Variants in NEK10 observed in about 807,000 individuals in gnomAD.
The protein encoded by NEK10 is NIMA related kinase 10.
In NEK10, 122 loss-of-function variants were observed where a neutral mutation model predicts 159.8. That is an observed-to-expected ratio of 0.76 (90% confidence interval 0.66 to 0.89). The LOEUF is 0.89. Among genes scored for constraint, NEK10 ranks in the 40% least tolerant of loss-of-function variants. The pLI, the probability that NEK10 is intolerant of heterozygous loss-of-function variation, is 0.00. For missense variants in NEK10, 1,342 were observed against 1,323.1 expected, an observed-to-expected ratio of 1.01 and a Z score of -0.22; for synonymous variants, 466 against 457.1, an observed-to-expected ratio of 1.02 and a Z score of -0.25.
intron 22 of NEK10, among the ~76,000 whole-genome samples, chr3:27,282,352 A>G (rs1450142123): frequency 2.0e-5 from 3 of 151,912 alleles, no homozygotes; most frequent in Non-Finnish European, 4.4e-5. Context: ...TTAGAAAAAA[A>G]TAAACCAGGC....
intron 22 of NEK10, among the ~76,000 whole-genome samples, chr3:27,262,734 T>C (rs1304135010): frequency 6.6e-6 from 1 of 152,210 alleles, no homozygotes; most frequent in Non-Finnish European, 1.5e-5. Flanking sequence ...GCCATTCATC[T>C]AATTTTTTTT....
rs182773767 is a variant in NEK10 at position 27,173,488 on chromosome 3, G to A, written c.2776+951C>T. On this transcript the variant is annotated intron_variant, in intron 28 of 35. Coordinates refer to ENST00000691995, the MANE Select transcript of NEK10 (RefSeq NM_001394966.1). The stretch of plus-strand genomic sequence containing the variant: ...ATACACCTAGAAGGCAGGGATCTAC[G>A]GAGAAAATAGGACAGAATATTGAAA... Among the ~76,000 whole-genome samples the A allele has an allele frequency of 1.5e-3, 229 of 152,198 alleles. 1 individual carries two copies. Among genetic ancestry groups the A allele is most frequent in the African/African-American group, 5.0e-3 (208 of 41,536 alleles).
At chr3:27,334,988 GA>G (rs1479765080) in intron 5 of NEK10, among the ~76,000 whole-genome samples, 1 of 152,074 alleles carries the variant, frequency 6.6e-6, no homozygotes, top group Non-Finnish European at 1.5e-5. Context: ...AAATAAATCA[GA>G]AAAACAATTC....
At chr3:27,244,438 T>C (rs1277157990) in intron 23 of NEK10, among the ~76,000 whole-genome samples, 2 of 152,188 alleles carry the variant, frequency 1.3e-5, no homozygotes, top group Non-Finnish European at 2.9e-5. Context: ...TATTATTCAA[T>C]AAACAATGGA....
intron 6 of NEK10, among the ~76,000 whole-genome samples, chr3:27,320,186 G>A (rs1249320083): frequency 6.6e-6 from 1 of 152,132 alleles, no homozygotes; most frequent in Non-Finnish European, 1.5e-5. Flanking sequence ...ATGTGTCTTG[G>A]TCACAAAATC....
chr3:27,179,186 A>C (rs1489323437), intron 26 of NEK10, among the ~76,000 whole-genome samples: 1 of 152,166 alleles, frequency 6.6e-6, no homozygotes, highest in Admixed American at 6.5e-5. Flanking sequence ...AAACCAGAAA[A>C]ACTGGTGTTT....
intron 25 of NEK10, among the ~76,000 whole-genome samples, chr3:27,195,919 G>C (rs766635852): frequency 2.6e-5 from 4 of 152,034 alleles, no homozygotes; most frequent in Non-Finnish European, 4.4e-5. Flanking sequence ...CCACTTGCTG[G>C]GTACTGCGTT....
At position 27,236,182 on chromosome 3, in the gene NEK10, G is replaced by T. The variant is rs569937994; in HGVS notation, c.2090+20114C>A. On this transcript the variant is annotated intron_variant, in intron 23 of 35. Transcript: ENST00000691995. ...GAGGATGGAAGGAGAGAGAGGATCA[G>T]GAAAAATAACTAATGGATGCTAAGT... is the stretch of plus-strand genomic sequence containing the variant. Among the ~76,000 whole-genome samples the T allele has an allele frequency of 2.0e-5, 3 of 152,072 alleles. No homozygotes were observed. The East Asian group carries it at 5.8e-4, about 29-fold the overall frequency.
chr3:27,163,772 G>C lies in NEK10; in HGVS notation c.2832-1034C>G, dbSNP rs561664678. Among the ~76,000 whole-genome samples the C allele has an allele frequency of 1.4e-3, 209 of 152,254 alleles. 1 individual carries two copies. Among genetic ancestry groups the C allele is most frequent in the African/African-American group, 4.8e-3 (201 of 41,536 alleles). ...CAAAAATATATCATACATGTACTAG[G>C]TATAAGGCACATGATAGGTTATTTG... On this transcript the variant is annotated intron_variant, in intron 29 of 35. Coordinates refer to ENST00000691995, the MANE Select transcript of NEK10 (RefSeq NM_001394966.1).
chr3:27,331,263 A>AAAAAAAAAAAAAAAC (rs2046397833), intron 5 of NEK10, among the ~76,000 whole-genome samples: 2 of 112,530 alleles, frequency 1.8e-5, no homozygotes, highest in African/African-American at 5.6e-5. Context: ...AAAAAAAAAA[A>AAAAAAAAAAAAAAAC]CACACAAACC....
At chr3:27,124,152 G>T (rs190880371) in intron 32 of NEK10, among the ~76,000 whole-genome samples, 252 of 152,178 alleles carry the variant, frequency 1.7e-3, no homozygotes, top group Middle Eastern at 0.014. Context: ...TACAAGTAAG[G>T]GGGGCCTGGA....
Position 27,192,157 on chromosome 3 carries a change from T to C in NEK10, c.2377A>G (p.Asn793Asp), listed in dbSNP as rs778320826. ...ISDVMMKYLD[N>D]LSTSQLSLEK... is the part of the protein sequence containing the mutation. ...AAGGACAACTGGGATGTAGATAAGTTGTCTAAATATTTCATCATGACATCT... is the reference window on the plus strand; with the variant it reads ...AAGGACAACTGGGATGTAGATAAGTCGTCTAAATATTTCATCATGACATCT... Residue 793 changes from asparagine to aspartate, a missense_variant, in exon 26 of 36, where the codon AAC becomes GAC. Physicochemically the swap from Asn to Asp is conservative, Grantham distance 23. Transcript: ENST00000691995. The C allele has an allele frequency of 1.2e-6, 2 of 1,614,066 alleles. No individual in the cohort carries two copies. Among genetic ancestry groups the C allele is most frequent in the African/African-American group, 2.7e-5 (2 of 74,942 alleles).
intron 22 of NEK10, among the ~76,000 whole-genome samples, chr3:27,266,788 G>T (rs996354241): frequency 6.6e-6 from 1 of 152,190 alleles, no homozygotes; most frequent in African/African-American, 2.4e-5. Flanking sequence ...CTACAGGAGA[G>T]GCTTCTCTTC....
chr3:27,259,967 T>C (rs2040251705), intron 22 of NEK10, among the ~76,000 whole-genome samples: 1 of 152,190 alleles, frequency 6.6e-6, no homozygotes, highest in Non-Finnish European at 1.5e-5. Flanking sequence ...AGGTATTTTA[T>C]TCTCTTTGAA....
intron 23 of NEK10, among the ~76,000 whole-genome samples, chr3:27,241,655 T>C (rs933458158): frequency 1.3e-4 from 20 of 152,216 alleles, no homozygotes; most frequent in Admixed American, 1.3e-3. Flanking sequence ...CTTCCCCTAC[T>C]CTTTTATTCA....
intron 6 of NEK10, among the ~76,000 whole-genome samples, chr3:27,321,648 G>C (rs552120454): frequency 6.6e-6 from 1 of 152,292 alleles, no homozygotes; most frequent in Non-Finnish European, 1.5e-5. Flanking sequence ...TGCCCAACCA[G>C]GAAAAGATTC....
intron 12 of NEK10, among the ~76,000 whole-genome samples, chr3:27,303,769 A>C (rs1020647237): frequency 4.6e-5 from 7 of 152,238 alleles, no homozygotes; most frequent in Admixed American, 3.9e-4. Flanking sequence ...TATCGCTGGA[A>C]GCATAACAAA....
chr3:27,154,513 G>C (rs1009299566), intron 30 of NEK10, among the ~76,000 whole-genome samples: 1 of 152,044 alleles, frequency 6.6e-6, no homozygotes, highest in Non-Finnish European at 1.5e-5. Flanking sequence ...ACTATAGACT[G>C]AAATCCTTGA....
Position 27,308,918 on chromosome 3 carries a change from C to CTACT in NEK10, c.716+4_716+7dup. Reference sequence around the variant, plus strand: ...GAACTGGAAAGTATATTAGAATACACTACTTACCTTTCTGCTAAACTAGCC... The same window carrying CTACT: ...GAACTGGAAAGTATATTAGAATACACTACTTACTTACCTTTCTGCTAAACTAGCC... On this transcript the variant is annotated splice_region_variant and intron_variant, in intron 10 of 35. Transcript: ENST00000691995. 1.1e-5 allele frequency: 16 copies of CTACT among 1,479,446 alleles called. No individual in the cohort carries two copies. Among genetic ancestry groups the CTACT allele is most frequent in the Non-Finnish European group, 1.5e-5 (16 of 1,060,450 alleles). The allele number at this position is 1,479,446 out of a possible 1,614,324, so 91.6% of individuals were successfully genotyped here. A position where few individuals can be genotyped will look rare whatever the true frequency, so the allele number is the denominator to read the frequency against.
Sources: gnomAD v4.1 joint callset for allele counts (sites outside exome capture counted in the v4.1 genomes callset) on GRCh38, gnomAD v4.1.1 for gene constraint, MANE v1.5 for transcripts, NCBI Gene and HGNC (gene_info 2026-07-23, HGNC 2026-07-21) for gene names.